The following SDHB variants were observed in gnomAD, a reference collection of about 807,000 sequenced individuals.
SDHB encodes the protein succinate dehydrogenase complex iron sulfur subunit B.
Under a neutral mutation model 39.7 loss-of-function variants are expected in SDHB, and 21 were observed. The observed-to-expected ratio is 0.53, with a 90% CI of 0.37 to 0.76. The LOEUF (loss-of-function observed/expected upper bound fraction) is 0.76, where lower values mean the gene tolerates loss of function less well. Among genes scored for constraint, SDHB ranks in the 30% least tolerant of loss-of-function variants. SDHB has a pLI of 0.00. For missense variants in SDHB, 343 were observed against 350.9 expected, an observed-to-expected ratio of 0.98 and a Z score of 0.18; for synonymous variants, 118 against 117.0, an observed-to-expected ratio of 1.01 and a Z score of -0.06.
intron 3 of SDHB, among the ~76,000 whole-genome samples, chr1:17,030,814 T>C (rs2078018213): frequency 6.6e-6 from 1 of 152,094 alleles, no homozygotes; most frequent in African/African-American, 2.4e-5. Context: ...CCTGAGTAGC[T>C]GGGATTATAG....
At chr1:17,042,762 C>T (rs181460471) in intron 2 of SDHB, among the ~76,000 whole-genome samples, 2 of 137,828 alleles carry the variant, frequency 1.5e-5, no homozygotes, top group East Asian at 2.0e-4. Context: ...TGGGTGACAG[C>T]GAGACCCTGA....
intron 2 of SDHB, among the ~76,000 whole-genome samples, chr1:17,044,367 C>A (rs1026334576): frequency 2.0e-5 from 3 of 151,350 alleles, no homozygotes; most frequent in African/African-American, 7.3e-5. Context: ...CTCTGTTGCC[C>A]AGGCTGGAGT....
chr1:17,037,732 C>T (rs2078057489), intron 2 of SDHB, among the ~76,000 whole-genome samples: 1 of 152,132 alleles, frequency 6.6e-6, no homozygotes, highest in South Asian at 2.1e-4. Context: ...GTTGGGATTA[C>T]AGGCGTGAGC....
At chr1:17,049,639 C>T (rs892529998) in intron 1 of SDHB, among the ~76,000 whole-genome samples, 3 of 116,826 alleles carry the variant, frequency 2.6e-5, no homozygotes, top group African/African-American at 1.0e-4. Context: ...GAGCATAATC[C>T]CCTAGTTCTT....
intron 5 of SDHB, among the ~76,000 whole-genome samples, chr1:17,024,568 A>ACG (rs1340389144): frequency 1.3e-5 from 2 of 152,032 alleles, no homozygotes; most frequent in African/African-American, 4.8e-5. Context: ...TGCGCCTTAC[A>ACG]CGCTTTCCTT....
chr1:17,036,758 A>G (rs1279678171), intron 2 of SDHB, among the ~76,000 whole-genome samples: 1 of 146,610 alleles, frequency 6.8e-6, no homozygotes, highest in East Asian at 1.9e-4. Context: ...ATAAATATTT[A>G]TATAAATATG....
intron 3 of SDHB, among the ~76,000 whole-genome samples, chr1:17,032,089 C>A (rs1054333637): frequency 1.1e-4 from 17 of 152,300 alleles, no homozygotes; most frequent in African/African-American, 3.4e-4. Context: ...CTGAGAACCA[C>A]CTGAATCAAC....
chr1:17,020,077 AAC>A (rs2077952389), intron 7 of SDHB, among the ~76,000 whole-genome samples: 1 of 152,206 alleles, frequency 6.6e-6, no homozygotes, highest in African/African-American at 2.4e-5. Flanking sequence ...TGCAGCATAA[AAC>A]ACCTCTGAAG....
intron 2 of SDHB, among the ~76,000 whole-genome samples, chr1:17,036,861 C>A (rs1172611794): frequency 1.3e-5 from 2 of 151,330 alleles, no homozygotes; most frequent in African/African-American, 4.8e-5. Context: ...TATTGTTGCC[C>A]AGGCTGGTCT....
intron 1 of SDHB, among the ~76,000 whole-genome samples, chr1:17,050,710 C>T (rs575049846): frequency 2.6e-4 from 40 of 151,628 alleles, no homozygotes; most frequent in Non-Finnish European, 4.6e-4. Context: ...AGGGGGTTTA[C>T]CAGAATGAAA....
At chr1:17,023,057 G>A (rs948511874) in intron 6 of SDHB, 6 of 366,568 alleles carry the variant, frequency 1.6e-5, no homozygotes, top group African/African-American at 1.3e-4. Context: ...GGCAGGGACT[G>A]TATCATATAA....
intron 7 of SDHB, among the ~76,000 whole-genome samples, chr1:17,020,426 G>A (rs975366783): frequency 3.3e-5 from 5 of 152,036 alleles, no homozygotes; most frequent in Non-Finnish European, 4.4e-5. Flanking sequence ...TTTCATGATC[G>A]GCCTATGTCT....
chr1:17,022,520 GCT>G, intron 7 of SDHB, 86 bp downstream of exon 7: 1 of 1,541,226 alleles, frequency 6.5e-7, no homozygotes, highest in Non-Finnish European at 8.9e-7. Flanking sequence ...GACTAGGGTT[GCT>G]CTCTGCCAAT....
At chr1:17,042,954 G>GTTTTGT (rs2078089201) in intron 2 of SDHB, among the ~76,000 whole-genome samples, 1 of 62,872 alleles carries the variant, frequency 1.6e-5, no homozygotes, top group Admixed American at 2.8e-4. Flanking sequence ...TGTTTTATGA[G>GTTTTGT]TTTTTTTTTT....
intron 2 of SDHB, among the ~76,000 whole-genome samples, chr1:17,034,109 T>C (rs947781979): frequency 2.0e-5 from 3 of 152,116 alleles, no homozygotes; most frequent in Non-Finnish European, 4.4e-5. Context: ...AAAATATACT[T>C]AAAAATACGT....
chr1:17,041,919 A>AT (rs933993909), intron 2 of SDHB, among the ~76,000 whole-genome samples: 14 of 148,728 alleles, frequency 9.4e-5, no homozygotes, highest in East Asian at 2.0e-4. Context: ...TCAAGCTAAG[A>AT]TTTTTTTTTC....
intron 5 of SDHB, among the ~76,000 whole-genome samples, chr1:17,027,070 G>A (rs1035663354): frequency 6.6e-5 from 10 of 152,330 alleles, no homozygotes; most frequent in East Asian, 3.9e-4. Flanking sequence ...CTGCAGGTGG[G>A]GCTCTGTCTC....
intron 2 of SDHB, among the ~76,000 whole-genome samples, chr1:17,035,526 A>G (rs1226216637): frequency 6.6e-6 from 1 of 152,052 alleles, no homozygotes; most frequent in Non-Finnish European, 1.5e-5. Context: ...TGTTTTTTTT[A>G]CATTACAAAG....
rs1454454086 is a variant in SDHB, at chr1:17,018,908, G to C, written c.816C>G (p.Thr272=). ...AAACTGAAGCTTTCTTCTCCTTATA[G>C]GTTGCCATCATTTTCTTGATCTCTG... ...AIAEIKKMMA[T]YKEKKASV The change falls in exon 8 of 8, where the codon ACC becomes ACG. Residue 272 remains threonine (T), a synonymous_variant. Coordinates refer to ENST00000375499, the MANE Select transcript of SDHB (RefSeq NM_003000.3). 1 of 1,612,896 alleles carries C rather than the reference G, an allele frequency of 6.2e-7. No homozygotes were observed. The highest frequency in any genetic ancestry group is 8.5e-7 in the Non-Finnish European group (1 of 1,179,146).
Sources: gnomAD v4.1 joint callset for allele counts (sites outside exome capture counted in the v4.1 genomes callset) on GRCh38, gnomAD v4.1.1 for gene constraint, MANE v1.5 for transcripts, NCBI Gene and HGNC (gene_info 2026-07-23, HGNC 2026-07-21) for gene names.